PLA2R1: variants seen among roughly 807,000 people sequenced by gnomAD.
PLA2R1 encodes secretory phospholipase A2 receptor.
A neutral mutation model predicts 195.9 loss-of-function variants in PLA2R1; 158 were observed. That is an observed-to-expected ratio of 0.81 (90% CI 0.71 to 0.92). The LOEUF (loss-of-function observed/expected upper bound fraction) is 0.92, where lower values mean the gene tolerates loss of function less well. PLA2R1 is among the 40% of genes least tolerant of loss of function. The pLI is 0.00. For synonymous variants in PLA2R1, 586 were observed against 598.2 expected (o/e 0.98, Z 0.30); for missense variants, 1,626 against 1,764.6 (o/e 0.92, Z 1.41).
Position 160,042,796 on chromosome 2 carries a change from TGTGC to T in PLA2R1, c.494-602_494-599del, listed in dbSNP as rs1177960003. On this transcript the variant is annotated intron_variant, in intron 2 of 29. Coordinates refer to ENST00000283243, the MANE Select transcript of PLA2R1 (RefSeq NM_007366.5). ...ATGAGAAGACAGAGTGGGGTGTGTGTGTGCGTGTGTGTGTGTGTGTGTGTGTGTG... is the reference window on the plus strand; with the variant it reads ...ATGAGAAGACAGAGTGGGGTGTGTGTGTGTGTGTGTGTGTGTGTGTGTGTG... 1.0e-4 allele frequency among the ~76,000 whole-genome samples: 7 copies of T among 68,558 alleles called. No individual in the cohort carries two copies. In the South Asian group the frequency reaches 3.3e-3, roughly 32 times the overall value. The allele number at this position is 68,558 out of a possible 152,430, so 45.0% of individuals were successfully genotyped here.
rs376996910 is a variant in PLA2R1 at position 159,967,614 on chromosome 2, C to A, written c.2829G>T (p.Trp943Cys). 3.7e-6 allele frequency: 6 copies of A among 1,613,434 alleles called. No individual in the cohort carries two copies. The African/African-American group carries it at 8.0e-5, about 22-fold the overall frequency. The part of the protein sequence containing the change: ...MPSICKRKKV[W>C]LIEKKKDTPK... ...GTGTATCTTTCTTTTTCTCTATGAG[C>A]CAAACCTTTTTTCGCTTACAGATAC... Residue 943 changes from tryptophan to cysteine, a missense_variant, in exon 20 of 30, where the codon TGG becomes TGT. Transcript: ENST00000283243.
downstream of PLA2R1, among the ~76,000 whole-genome samples, chr2:159,928,676 CA>C (rs1418816461): frequency 5.9e-5 from 9 of 152,020 alleles, no homozygotes; most frequent in African/African-American, 2.2e-4. Context: ...CATATGGAAC[CA>C]AAAAAGAACC....
At chr2:160,034,538 C>A (rs1430805775) in intron 3 of PLA2R1, among the ~76,000 whole-genome samples, 1 of 152,210 alleles carries the variant, frequency 6.6e-6, no homozygotes, top group African/African-American at 2.4e-5. Context: ...GGACAATATA[C>A]TACTACGTGT....
chr2:160,042,796 T>G lies in PLA2R1; in HGVS notation c.494-598A>C, dbSNP rs1378362926. 1.3e-4 allele frequency among the ~76,000 whole-genome samples: 9 copies of G among 68,510 alleles called. No homozygotes were observed. The Admixed American group carries it at 1.5e-3, about 11-fold the overall frequency. 44.9% of individuals were successfully genotyped at this position (68,510 alleles called of 152,430 possible). On this transcript the variant is annotated intron_variant, in intron 2 of 29. Coordinates refer to ENST00000283243, the MANE Select transcript of PLA2R1 (RefSeq NM_007366.5). ...ATGAGAAGACAGAGTGGGGTGTGTG[T>G]GTGCGTGTGTGTGTGTGTGTGTGTG... is the stretch of plus-strand genomic sequence containing the variant.
intron 24 of PLA2R1, among the ~76,000 whole-genome samples, chr2:159,950,968 T>C (rs1687699049): frequency 6.6e-6 from 1 of 152,172 alleles, no homozygotes. Flanking sequence ...AGAAGCATGA[T>C]TCGTTTTTTC....
At chr2:159,989,099 A>G (rs1196790373) in intron 11 of PLA2R1, among the ~76,000 whole-genome samples, 1 of 152,190 alleles carries the variant, frequency 6.6e-6, no homozygotes, top group Admixed American at 6.5e-5. Context: ...ACATAGAAGA[A>G]AAGAAAGTCA....
chr2:159,997,470 T>C (rs546396171), intron 11 of PLA2R1, among the ~76,000 whole-genome samples: 1 of 152,202 alleles, frequency 6.6e-6, no homozygotes, highest in East Asian at 1.9e-4. Context: ...ACAGAATGCT[T>C]TGCTATATTT....
chr2:160,032,787 T>A (rs576575538), intron 4 of PLA2R1, among the ~76,000 whole-genome samples, 172 bp downstream of exon 4: 2 of 152,284 alleles, frequency 1.3e-5, no homozygotes, highest in East Asian at 3.9e-4. Context: ...GGATGCCAAA[T>A]GGAATCACTC....
At chr2:159,986,124 C>T (rs1211551546) in intron 12 of PLA2R1, among the ~76,000 whole-genome samples, 2 of 152,084 alleles carry the variant, frequency 1.3e-5, no homozygotes, top group Non-Finnish European at 2.9e-5. Context: ...TCGGTTGCTT[C>T]TTGCTGCCTA....
intron 3 of PLA2R1, among the ~76,000 whole-genome samples, chr2:160,036,363 G>A (rs1025015511): frequency 6.6e-6 from 1 of 152,152 alleles, no homozygotes; most frequent in Non-Finnish European, 1.5e-5. Flanking sequence ...CAAGTTCTTA[G>A]GAGTGAGAAG....
rs1686782473 is a variant in PLA2R1 at position 159,935,588 on chromosome 2, T to C, written c.*6190A>G. The C allele has an allele frequency of 6.6e-6, 1 of 152,214 alleles. No homozygotes were observed. Among genetic ancestry groups the C allele is most frequent in the South Asian group, 2.1e-4 (1 of 4,830 alleles). The allele number at this position is 152,214 out of a possible 1,614,324, so 9.4% of individuals were successfully genotyped here. A position where few individuals can be genotyped will look rare whatever the true frequency, so the allele number is the denominator to read the frequency against. ...CCACTGGAGAGCTCCTTCAGGTTGG[T>C]TCCTGTAGCCTTCAGACATGTGCCA... On this transcript the variant is annotated 3_prime_UTR_variant, in exon 30 of 30. Coordinates refer to ENST00000283243, the MANE Select transcript of PLA2R1 (RefSeq NM_007366.5).
chr2:159,976,941 G>T (rs1352688320), intron 15 of PLA2R1, among the ~76,000 whole-genome samples: 7 of 152,228 alleles, frequency 4.6e-5, no homozygotes, highest in African/African-American at 1.2e-4. Context: ...AGCACTTGCT[G>T]AGGCCACTGT....
chr2:159,930,532 C>A (rs1358338264), downstream of PLA2R1, among the ~76,000 whole-genome samples: 1 of 152,154 alleles, frequency 6.6e-6, no homozygotes, highest in East Asian at 1.9e-4. Context: ...CTGTTCCCCC[C>A]AAACCCCTTG....
chr2:159,962,412 A>G (rs1283006905), intron 20 of PLA2R1, among the ~76,000 whole-genome samples: 1 of 152,252 alleles, frequency 6.6e-6, no homozygotes, highest in East Asian at 1.9e-4. Context: ...GTGGAGAAAT[A>G]TGAACACTTT....
In PLA2R1 at chr2:159,987,388, C is replaced by A; in HGVS notation, c.1835-30G>T. The A allele has an allele frequency of 2.6e-6, 4 of 1,524,282 alleles. No individual in the cohort carries two copies. The South Asian group carries it at 4.6e-5, about 18-fold the overall frequency. 94.4% of individuals were successfully genotyped at this position (1,524,282 alleles called of 1,614,324 possible). ...AAGCAGAAAACAAGCATTTTTAATA[C>A]CAGACGACTAAAACGTTTTGTGCTC... On this transcript the variant is annotated intron_variant, in intron 11 of 29. Transcript: ENST00000283243.
At chr2:160,006,928 A>T (rs2715915) in intron 10 of PLA2R1, among the ~76,000 whole-genome samples, 114,478 of 151,592 alleles carry the variant, frequency 0.76, 43,561 homozygotes, top group East Asian at 0.88. Flanking sequence ...AGAAAAGAAT[A>T]AAAAGAAGTA....
At chr2:160,004,953 T>C (rs933705973) in intron 11 of PLA2R1, among the ~76,000 whole-genome samples, 1 of 152,168 alleles carries the variant, frequency 6.6e-6, no homozygotes, top group African/African-American at 2.4e-5. Flanking sequence ...GATGTACCCA[T>C]ATGTGCCCAT....
rs1364775410 is a variant in PLA2R1, at chr2:159,937,732, G to C, written c.*4046C>G. The C allele has an allele frequency of 6.6e-6, 1 of 152,200 alleles. No individual in the cohort carries two copies. Among genetic ancestry groups the C allele is most frequent in the South Asian group, 2.1e-4 (1 of 4,834 alleles). The allele number at this position is 152,200 out of a possible 1,614,324, so 9.4% of individuals were successfully genotyped here. The stretch of plus-strand genomic sequence containing the variant: ...AAAGTAGCACTCCAGCTGTTCCACT[G>C]TATAATACATATTAATTCAGAATAT... On this transcript the variant is annotated 3_prime_UTR_variant, in exon 30 of 30. Coordinates refer to ENST00000283243, the MANE Select transcript of PLA2R1 (RefSeq NM_007366.5).
the PLA2R1 span, among the ~76,000 whole-genome samples, chr2:159,926,638 A>G: frequency 3.9e-5 from 6 of 152,324 alleles, no homozygotes; most frequent in African/African-American, 1.4e-4. Flanking sequence ...AGCTTGCTGT[A>G]TAAGTAGGGG....
Sources: allele counts gnomAD v4.1 joint callset (sites outside exome capture counted in the v4.1 genomes callset), GRCh38; gene constraint gnomAD v4.1.1; transcripts MANE v1.5; gene names NCBI Gene and HGNC (gene_info 2026-07-23, HGNC 2026-07-21).